DNER: variants seen among roughly 807,000 people sequenced by gnomAD.
The protein encoded by DNER is delta and Notch-like epidermal growth factor-related receptor.
In DNER, 33 loss-of-function variants were observed where a neutral mutation model predicts 78.2. That is an observed-to-expected ratio of 0.42 (90% confidence interval 0.32 to 0.56). The LOEUF is 0.56. Among genes scored for constraint, DNER ranks in the 20% least tolerant of loss-of-function variants. DNER has a pLI of 0.11. For synonymous variants in DNER, 417 were observed against 384.8 expected (o/e 1.08, Z -0.98); for missense variants, 918 against 975.3 (o/e 0.94, Z 0.78).
chr2:229,423,711 A>G (rs1357439958), intron 8 of DNER, among the ~76,000 whole-genome samples: 1 of 152,190 alleles, frequency 6.6e-6, no homozygotes, highest in African/African-American at 2.4e-5. Flanking sequence ...CATTTTAAAA[A>G]AACACTTCAC....
intron 4 of DNER, among the ~76,000 whole-genome samples, chr2:229,560,273 A>C (rs1696930958): frequency 6.6e-6 from 1 of 152,234 alleles, no homozygotes; most frequent in African/African-American, 2.4e-5. Context: ...GGGAAAGCAT[A>C]AGTGGAAAAT....
At chr2:229,427,233 A>C (rs2106353236) in intron 8 of DNER, among the ~76,000 whole-genome samples, 1 of 152,346 alleles carries the variant, frequency 6.6e-6, no homozygotes, top group South Asian at 2.1e-4. Context: ...GCCAGCTCTA[A>C]ATCATATCCT....
In DNER at chr2:229,436,397, G is replaced by A. The variant is rs188998403; in HGVS notation, c.1486+10919C>T. Among the ~76,000 whole-genome samples the A allele has an allele frequency of 2.9e-3, 438 of 152,262 alleles. 2 individuals are homozygous for A. Among genetic ancestry groups the A allele is most frequent in the Non-Finnish European group, 4.2e-3 (284 of 68,038 alleles). On this transcript the variant is annotated intron_variant, in intron 8 of 12. Coordinates refer to ENST00000341772, the MANE Select transcript of DNER (RefSeq NM_139072.4). ...CCGTGTCTTTGCTATTGTGAATAGC[G>A]CTGTGATGAACATATGTATGTATGT... is the stretch of plus-strand genomic sequence containing the variant.
intron 7 of DNER, among the ~76,000 whole-genome samples, chr2:229,459,442 A>T (rs4508586): frequency 1 from 152,206 of 152,208 alleles, 76,102 homozygotes; most frequent in Non-Finnish European, 1. Context: ...TAATAGAAAA[A>T]TTTTATTGAG....
chr2:229,608,532 A>C (rs908536713), intron 1 of DNER, among the ~76,000 whole-genome samples: 1 of 152,262 alleles, frequency 6.6e-6, no homozygotes, highest in African/African-American at 2.4e-5. Flanking sequence ...ATTTAAATGA[A>C]CTAGAGCTAT....
chr2:229,421,553 A>T (rs1412533020), intron 8 of DNER, among the ~76,000 whole-genome samples: 1 of 150,086 alleles, frequency 6.7e-6, no homozygotes, highest in Non-Finnish European at 1.5e-5. Context: ...TCTATATTTT[A>T]CCTACTATAT....
rs115159376 is a variant in DNER, at chr2:229,710,935, T to C, written c.276+3213A>G. Among the ~76,000 whole-genome samples the C allele has an allele frequency of 9.2e-3, 1,366 of 148,942 alleles. 23 individuals carry two copies. Among genetic ancestry groups the C allele is most frequent in the African/African-American group, 0.032 (1,296 of 40,238 alleles). On this transcript the variant is annotated intron_variant, in intron 1 of 12. Transcript: ENST00000341772. ...CCACAGAGACAGGATGGACACCCAC[T>C]CAAAATTTGGTTTGGACCCTGAGAC...
chr2:229,712,171 A>G (rs1699921768), intron 1 of DNER, among the ~76,000 whole-genome samples: 1 of 152,162 alleles, frequency 6.6e-6, no homozygotes, highest in Non-Finnish European at 1.5e-5. Context: ...AGCTAAGCCT[A>G]CCTCCAATGG....
chr2:229,368,562 G>A (rs375705090), intron 11 of DNER, among the ~76,000 whole-genome samples: 22 of 152,274 alleles, frequency 1.4e-4, no homozygotes, highest in East Asian at 1.2e-3. Flanking sequence ...TACTTGGACA[G>A]TACAATAATT....
intron 7 of DNER, among the ~76,000 whole-genome samples, chr2:229,456,740 C>T (rs1011585991): frequency 6.6e-6 from 1 of 152,048 alleles, no homozygotes; most frequent in Non-Finnish European, 1.5e-5. Flanking sequence ...CCCCTTCATC[C>T]ATCCTACCAT....
At chr2:229,526,468 C>A (rs746550153) in intron 5 of DNER, among the ~76,000 whole-genome samples, 40 of 152,274 alleles carry the variant, frequency 2.6e-4, no homozygotes, top group Non-Finnish European at 5.4e-4. Context: ...CAGTCCCCAA[C>A]CTTTTTGGCA....
intron 6 of DNER, among the ~76,000 whole-genome samples, chr2:229,480,707 G>C (rs938650698): frequency 6.6e-6 from 1 of 152,190 alleles, no homozygotes; most frequent in Non-Finnish European, 1.5e-5. Context: ...ACTTGAGATG[G>C]CCTAATATAT....
chr2:229,436,547 A>T (rs1209609764), intron 8 of DNER, among the ~76,000 whole-genome samples: 1 of 152,196 alleles, frequency 6.6e-6, no homozygotes, highest in Non-Finnish European at 1.5e-5. Context: ...GCAGCTAGAG[A>T]GAAGGAGCAG....
chr2:229,661,922 G>A (rs1368160282), intron 1 of DNER, among the ~76,000 whole-genome samples: 1 of 152,168 alleles, frequency 6.6e-6, no homozygotes, highest in Non-Finnish European at 1.5e-5. Flanking sequence ...TTCTCTTGAT[G>A]CCAATATCAA....
At chr2:229,606,008 C>T (rs1697928809) in intron 1 of DNER, among the ~76,000 whole-genome samples, 1 of 152,146 alleles carries the variant, frequency 6.6e-6, no homozygotes, top group South Asian at 2.1e-4. Context: ...GAACTGATGG[C>T]CAGGCCCTTC....
intron 1 of DNER, among the ~76,000 whole-genome samples, chr2:229,663,434 T>G (rs1027275481): frequency 5.1e-4 from 78 of 152,330 alleles, no homozygotes; most frequent in African/African-American, 1.8e-3. Flanking sequence ...AAAGACATCA[T>G]TTATCCAACG....
chr2:229,368,551 C>G (rs1692403337), intron 11 of DNER, among the ~76,000 whole-genome samples: 1 of 152,180 alleles, frequency 6.6e-6, no homozygotes, highest in Non-Finnish European at 1.5e-5. Context: ...CAAACAGGAT[C>G]TACTTGGACA....
chr2:229,390,555 T>A (rs1461698643), intron 10 of DNER, among the ~76,000 whole-genome samples: 4 of 152,220 alleles, frequency 2.6e-5, no homozygotes, highest in African/African-American at 9.7e-5. Flanking sequence ...ATCCACTAGA[T>A]TGGACGGATT....
chr2:229,600,840 A>G (rs149967184), intron 1 of DNER, among the ~76,000 whole-genome samples: 13 of 152,208 alleles, frequency 8.5e-5, no homozygotes, highest in African/African-American at 2.2e-4. Flanking sequence ...AAGACGATGG[A>G]TGGGGAAAGG....
Sources: allele counts gnomAD v4.1 joint callset (sites outside exome capture counted in the v4.1 genomes callset), GRCh38; gene constraint gnomAD v4.1.1; transcripts MANE v1.5; gene names NCBI Gene and HGNC (gene_info 2026-07-23, HGNC 2026-07-21).